The following PIK3C2A variants were observed in gnomAD, a reference collection of about 807,000 sequenced individuals.
PIK3C2A encodes the protein phosphatidylinositol 4-phosphate 3-kinase C2 domain-containing subunit alpha.
In PIK3C2A, 97 loss-of-function variants were observed where a neutral mutation model predicts 204.5. That is an observed-to-expected ratio of 0.47 (90% CI 0.40 to 0.56). The LOEUF is 0.56. Among genes scored for constraint, PIK3C2A ranks in the 20% least tolerant of loss-of-function variants. The pLI is 0.00. For missense variants in PIK3C2A, 1,735 were observed against 1,969.2 expected, an observed-to-expected ratio of 0.88 and a Z score of 2.25; for synonymous variants, 653 against 664.4, an observed-to-expected ratio of 0.98 and a Z score of 0.26.
chr11:17,129,272 C>G lies in PIK3C2A; in HGVS notation c.2399+28G>C, dbSNP rs1013726558. The G allele has an allele frequency of 5.7e-6, 9 of 1,591,226 alleles. No individual in the cohort carries two copies. In the African/African-American group the frequency reaches 1.1e-4, roughly 19 times the overall value. ...TGATGTGCAGATGTGTCCACAGTGA[C>G]TCACCATTACAATTCGGTAATACTT... On this transcript the variant is annotated intron_variant, in intron 13 of 32. Coordinates refer to ENST00000691414, the MANE Select transcript of PIK3C2A (RefSeq NM_002645.4).
intron 19 of PIK3C2A, among the ~76,000 whole-genome samples, chr11:17,116,554 T>C (rs1323658107): frequency 3.3e-5 from 5 of 152,134 alleles, no homozygotes; most frequent in African/African-American, 1.2e-4. Flanking sequence ...GAAACAGTTG[T>C]TTAAACACAA....
chr11:17,117,440 G>GTTTATTA, intron 19 of PIK3C2A, 51 bp downstream of exon 19: 1 of 1,295,466 alleles, frequency 7.7e-7, no homozygotes, highest in Non-Finnish European at 1.1e-6. Flanking sequence ...GCACCATAAA[G>GTTTATTA]ATCCTTCCTT....
intron 2 of PIK3C2A, 108 bp from the exon 3 acceptor site, chr11:17,155,737 G>A (rs1297595552): frequency 5.4e-6 from 3 of 558,604 alleles, no homozygotes; most frequent in African/African-American, 3.8e-5. Flanking sequence ...AGCAATGGAG[G>A]TAAAATAAAT....
rs1489229270 is a variant in PIK3C2A, at chr11:17,104,521, C to G, written c.3681+648G>C. ...CGGGCGGATCACAAGGTCAGGAGAT[C>G]GAGACCATCCCGGCTAACACAGTGA... On this transcript the variant is annotated intron_variant, in intron 23 of 32. Transcript: ENST00000691414. 4.6e-5 allele frequency among the ~76,000 whole-genome samples: 7 copies of G among 152,072 alleles called. No individual in the cohort carries two copies. The East Asian group carries it at 1.4e-3, about 29-fold the overall frequency.
At chr11:17,091,184 C>T (rs773884358) in intron 32 of PIK3C2A, 150 bp downstream of exon 32, 72 of 654,574 alleles carry the variant, frequency 1.1e-4, no homozygotes, top group Middle Eastern at 4.1e-4. Context: ...GGCTTAATAC[C>T]TAGGTGATAG....
rs1850321063 is a variant in PIK3C2A at position 17,148,476 on chromosome 11, GA to G, written c.1448+190del. ...GGAATACAATGTCTCACTTATCTCT[GA>G]AACCCCACCACTGTCTTAGACATGA... On this transcript the variant is annotated intron_variant, in intron 5 of 32. Coordinates refer to ENST00000691414, the MANE Select transcript of PIK3C2A (RefSeq NM_002645.4). 7.3e-6 allele frequency: 4 copies of G among 549,386 alleles called. No homozygotes were observed. In the East Asian group the frequency reaches 1.2e-4, roughly 17 times the overall value. 34.0% of individuals were successfully genotyped at this position (549,386 alleles called of 1,614,324 possible). A position where few individuals can be genotyped will look rare whatever the true frequency, so the allele number is the denominator to read the frequency against.
At position 17,099,370 on chromosome 11, in the gene PIK3C2A, C is replaced by T. The variant is rs543219521; in HGVS notation, c.4118+490G>A. ...CAAAATCCTGAAAAATAGATTAGTA[C>T]AGATAACATTTTAGAAAGAGACTTT... On this transcript the variant is annotated intron_variant, in intron 26 of 32. Transcript: ENST00000691414. 2.6e-5 allele frequency among the ~76,000 whole-genome samples: 4 copies of T among 152,226 alleles called. No individual in the cohort carries two copies. The South Asian group carries it at 6.2e-4, about 24-fold the overall frequency.
chr11:17,167,601 A>G (rs939163015), intron 2 of PIK3C2A, among the ~76,000 whole-genome samples: 1 of 152,214 alleles, frequency 6.6e-6, no homozygotes, highest in Non-Finnish European at 1.5e-5. Context: ...ACCCTGGGCA[A>G]CAAGAGCAAA....
chr11:17,193,524 TC>T, intron 1 of PIK3C2A: 1 of 446,372 alleles, frequency 2.2e-6, no homozygotes, highest in South Asian at 1.6e-5. Context: ...CACACAACAT[TC>T]CCGAAAATGG....
At chr11:17,178,113 G>A (rs485045) in intron 1 of PIK3C2A, among the ~76,000 whole-genome samples, 32,840 of 117,474 alleles carry the variant, frequency 0.28, 6,218 homozygotes, top group African/African-American at 0.47. Context: ...AAAAAAAAAA[G>A]AAAAAAAAAA....
chr11:17,207,339 GGAA>G (rs1852617399), intron 1 of PIK3C2A, among the ~76,000 whole-genome samples: 1 of 152,116 alleles, frequency 6.6e-6, no homozygotes, highest in Non-Finnish European at 1.5e-5. Context: ...GGGGGGTCCG[GGAA>G]GAAGAAAAAG....
At chr11:17,176,212 G>A (rs1851335187) in intron 1 of PIK3C2A, among the ~76,000 whole-genome samples, 5 of 151,474 alleles carry the variant, frequency 3.3e-5, no homozygotes, top group Admixed American at 2.6e-4. Context: ...TCACCATGTT[G>A]GCCAGGCTGG....
In PIK3C2A at chr11:17,145,732, CT is replaced by C; in HGVS notation, c.1641-2del. ...ATCTAAGAGTTCTTCAACAGGGTGT[CT>C]GAAAGAAACAACAGTTATTGTGGCT... On this transcript the variant is annotated splice_acceptor_variant, in intron 7 of 32. Coordinates refer to ENST00000691414, the MANE Select transcript of PIK3C2A (RefSeq NM_002645.4). LOFTEE classifies it high-confidence loss of function. The C allele has an allele frequency of 6.2e-7, 1 of 1,602,810 alleles. No homozygotes were observed. The highest frequency in any genetic ancestry group is 8.5e-7 in the Non-Finnish European group (1 of 1,170,168).
chr11:17,175,896 T>A (rs924571896), intron 1 of PIK3C2A, among the ~76,000 whole-genome samples: 4 of 152,030 alleles, frequency 2.6e-5, no homozygotes, highest in Non-Finnish European at 5.9e-5. Context: ...TCAAGACAAC[T>A]AAGAAAACTA....
intron 13 of PIK3C2A, among the ~76,000 whole-genome samples, chr11:17,124,434 GCCTAAC>G (rs1849455581): frequency 6.6e-6 from 1 of 151,390 alleles, no homozygotes; most frequent in South Asian, 2.1e-4. Flanking sequence ...TCCAAGCAAG[GCCTAAC>G]ACTTGCATTT....
chr11:17,165,555 C>A (rs996539746), intron 2 of PIK3C2A, among the ~76,000 whole-genome samples: 1 of 151,956 alleles, frequency 6.6e-6, no homozygotes, highest in African/African-American at 2.4e-5. Context: ...GCAGGCAGAT[C>A]ACCTGAGGTC....
intron 1 of PIK3C2A, among the ~76,000 whole-genome samples, chr11:17,180,326 C>A (rs576205338): frequency 6.6e-6 from 1 of 152,108 alleles, no homozygotes; most frequent in East Asian, 1.9e-4. Context: ...TAAGATCGTG[C>A]CACTGTATTC....
rs1354251486 is a variant in PIK3C2A, at chr11:17,148,762, TATA to T, written c.1350_1352del (p.Ile451del). ...CATGTACCCAGCAAAGGGCTTGCAT[TATA>T]ATGATTTCTACAGTAGAACTCACTG... On this transcript the variant is annotated inframe_deletion, in exon 5 of 33. Transcript: ENST00000691414. 1 of 1,612,050 alleles carries T rather than the reference TATA, an allele frequency of 6.2e-7. No homozygotes were observed. Among genetic ancestry groups the T allele is most frequent in the Non-Finnish European group, 8.5e-7 (1 of 1,178,410 alleles).
At chr11:17,184,209 A>G (rs757045240) in intron 1 of PIK3C2A, among the ~76,000 whole-genome samples, 14 of 137,992 alleles carry the variant, frequency 1.0e-4, no homozygotes, top group Non-Finnish European at 1.9e-4. Flanking sequence ...TTTATAGTAC[A>G]CTCCTTCTAC....
Sources: gnomAD v4.1 joint callset for allele counts (sites outside exome capture counted in the v4.1 genomes callset) on GRCh38, gnomAD v4.1.1 for gene constraint, MANE v1.5 for transcripts, NCBI Gene and HGNC (gene_info 2026-07-23, HGNC 2026-07-21) for gene names.